The following CLYBL variants were observed in gnomAD, a reference collection of about 807,000 sequenced individuals.
CLYBL encodes citramalyl-CoA lyase, also known as citramalyl-CoA lyase, mitochondrial.
CLYBL carries 31 observed loss-of-function variants against 38.9 expected under a neutral mutation model. The ratio of observed to expected loss-of-function variants is 0.80; its 90% CI spans 0.60 to 1.08. The LOEUF (loss-of-function observed/expected upper bound fraction) is 1.08, where lower values mean the gene tolerates loss of function less well. Ranked by LOEUF, CLYBL falls within the 50% of genes least tolerant of loss-of-function variation. The pLI, the probability that CLYBL is intolerant of heterozygous loss-of-function variation, is 0.00. For synonymous variants in CLYBL, 171 were observed against 158.6 expected, an observed-to-expected ratio of 1.08 and a Z score of -0.59; for missense variants, 434 against 411.6, an observed-to-expected ratio of 1.05 and a Z score of -0.47.
At chr13:99,617,240 G>A (rs532702559) in intron 1 of CLYBL, among the ~76,000 whole-genome samples, 14 of 152,162 alleles carry the variant, frequency 9.2e-5, no homozygotes, top group Non-Finnish European at 1.6e-4. Context: ...TTAGTTTAGC[G>A]GAAGACTGTG....
chr13:99,889,387 T>G (rs936805292), intron 7 of CLYBL, among the ~76,000 whole-genome samples: 5 of 152,200 alleles, frequency 3.3e-5, no homozygotes, highest in African/African-American at 1.2e-4. Flanking sequence ...AAACAGCATG[T>G]GACCCAGGCC....
At chr13:99,766,931 A>T (rs2049280519) in intron 1 of CLYBL, among the ~76,000 whole-genome samples, 1 of 152,170 alleles carries the variant, frequency 6.6e-6, no homozygotes, top group Admixed American at 6.5e-5. Flanking sequence ...TGAGTTACAC[A>T]ACAGAGATTC....
intron 2 of CLYBL, among the ~76,000 whole-genome samples, chr13:99,842,967 C>T (rs1463329674): frequency 6.6e-6 from 1 of 152,036 alleles, no homozygotes; most frequent in Non-Finnish European, 1.5e-5. Flanking sequence ...ATTTATTAAC[C>T]ACTTACGTTA....
At chr13:99,813,079 C>A (rs1297642147) in intron 2 of CLYBL, among the ~76,000 whole-genome samples, 2 of 152,108 alleles carry the variant, frequency 1.3e-5, no homozygotes, top group African/African-American at 4.8e-5. Context: ...TAGTTAGAAA[C>A]ACCATGATTT....
chr13:99,647,944 G>A (rs2047200504), intron 1 of CLYBL, among the ~76,000 whole-genome samples: 1 of 152,060 alleles, frequency 6.6e-6, no homozygotes, highest in African/African-American at 2.4e-5. Flanking sequence ...ATTTAAACAA[G>A]ATATTCTCTG....
rs1443268499 is a variant in CLYBL, at chr13:99,680,215, A to G, written c.62+73458A>G. On this transcript the variant is annotated intron_variant, in intron 1 of 8. Transcript: ENST00000339105. ...TTCCTCCACACATTCACAGGTTAGT[A>G]TCTGACACCCATTTTTAATTTCTAG... Among the ~76,000 whole-genome samples, 3 of 152,200 alleles carry G rather than the reference A, an allele frequency of 2.0e-5. No individual in the cohort carries two copies. In the South Asian group the frequency reaches 6.2e-4, roughly 32 times the overall value.
At chr13:99,901,250 A>C (rs2052638824), downstream of CLYBL, among the ~76,000 whole-genome samples, 2 of 152,242 alleles carry the variant, frequency 1.3e-5, no homozygotes, top group African/African-American at 4.8e-5. Flanking sequence ...TAGTCCTGCT[A>C]GATTCTTCCT....
intron 1 of CLYBL, among the ~76,000 whole-genome samples, chr13:99,725,061 C>G (rs961665585): frequency 3.3e-5 from 5 of 152,170 alleles, no homozygotes; most frequent in Non-Finnish European, 5.9e-5. Flanking sequence ...CTTGATGCGT[C>G]CTGCTGAGTA....
intron 7 of CLYBL, among the ~76,000 whole-genome samples, chr13:99,886,742 G>C (rs1192588630): frequency 1.3e-5 from 2 of 152,242 alleles, no homozygotes; most frequent in African/African-American, 4.8e-5. Context: ...TTGGGAAGAA[G>C]TGCAGCCATG....
At chr13:99,823,730 T>TC (rs2050630697) in intron 2 of CLYBL, among the ~76,000 whole-genome samples, 1 of 152,224 alleles carries the variant, frequency 6.6e-6, no homozygotes, top group Non-Finnish European at 1.5e-5. Flanking sequence ...TTGCTTTTTT[T>TC]CTGTGTATCT....
intron 2 of CLYBL, among the ~76,000 whole-genome samples, chr13:99,793,068 A>ACACACACACACACACACACAC (rs1566329333): frequency 6.7e-6 from 1 of 149,574 alleles, no homozygotes; most frequent in East Asian, 1.9e-4. Context: ...ACACACACAC[A>ACACACACACACACACACACAC]AAGTACGTAG....
intron 2 of CLYBL, among the ~76,000 whole-genome samples, chr13:99,774,216 GA>G (rs1413107492): frequency 6.6e-6 from 1 of 152,136 alleles, no homozygotes; most frequent in Admixed American, 6.6e-5. Flanking sequence ...TTGGGCAACA[GA>G]GTGAGACCCT....
At chr13:99,647,906 G>A (rs1007855642) in intron 1 of CLYBL, among the ~76,000 whole-genome samples, 3 of 152,072 alleles carry the variant, frequency 2.0e-5, no homozygotes, top group Admixed American at 2.0e-4. Context: ...CATCTTGTTG[G>A]TTGTGAGAGA....
chr13:99,827,159 G>C (rs1012650450), intron 2 of CLYBL, among the ~76,000 whole-genome samples: 1 of 152,150 alleles, frequency 6.6e-6, no homozygotes, highest in Non-Finnish European at 1.5e-5. Context: ...TCTGGGTTCC[G>C]TGAGTCATTT....
chr13:99,758,190 T>G (rs2049100890), intron 1 of CLYBL, among the ~76,000 whole-genome samples: 1 of 152,196 alleles, frequency 6.6e-6, no homozygotes, highest in Non-Finnish European at 1.5e-5. Flanking sequence ...ACTATTATAT[T>G]GAATCCCGGG....
Position 99,752,916 on chromosome 13 carries a change from G to A in CLYBL, c.63-19908G>A, listed in dbSNP as rs577241170. ...CTCTGAACCCAGTGGAAGACAGACA[G>A]TGAACAAGTAAACAAAGCCAATAAT... is the stretch of plus-strand genomic sequence containing the variant. On this transcript the variant is annotated intron_variant, in intron 1 of 8. Coordinates refer to ENST00000339105, the MANE Select transcript of CLYBL (RefSeq NM_206808.5). 3.9e-5 allele frequency among the ~76,000 whole-genome samples: 6 copies of A among 152,296 alleles called. No individual in the cohort carries two copies. In the East Asian group the frequency reaches 9.7e-4, roughly 25 times the overall value.
At chr13:99,722,070 A>G (rs1171876061) in intron 1 of CLYBL, among the ~76,000 whole-genome samples, 1 of 152,186 alleles carries the variant, frequency 6.6e-6, no homozygotes, top group Non-Finnish European at 1.5e-5. Flanking sequence ...GATTCAGATG[A>G]TTCATACAAA....
intron 2 of CLYBL, among the ~76,000 whole-genome samples, chr13:99,791,717 A>G (rs748933047): frequency 3.3e-5 from 5 of 152,226 alleles, no homozygotes; most frequent in African/African-American, 4.8e-5. Flanking sequence ...TATAAGTGCT[A>G]TGTGAGCATT....
At chr13:99,650,843 C>T (rs886206651) in intron 1 of CLYBL, among the ~76,000 whole-genome samples, 4 of 152,194 alleles carry the variant, frequency 2.6e-5, no homozygotes, top group Non-Finnish European at 5.9e-5. Flanking sequence ...GCAGCAGTCA[C>T]TCTCAACACT....
Sources: allele counts gnomAD v4.1 joint callset (sites outside exome capture counted in the v4.1 genomes callset), GRCh38; gene constraint gnomAD v4.1.1; transcripts MANE v1.5; gene names NCBI Gene and HGNC (gene_info 2026-07-23, HGNC 2026-07-21).